The following RABGEF1 variants were observed in gnomAD, a reference collection of about 807,000 sequenced individuals.
RABGEF1 encodes the protein RAB guanine nucleotide exchange factor 1.
Under a neutral mutation model 57.3 loss-of-function variants are expected in RABGEF1, and 26 were observed. The ratio of observed to expected loss-of-function variants is 0.45; its 90% CI spans 0.33 to 0.63. The LOEUF is 0.63. RABGEF1 is among the 20% of genes least tolerant of loss of function. The pLI, the probability that RABGEF1 is intolerant of heterozygous loss-of-function variation, is 0.02. For synonymous variants in RABGEF1, 185 were observed against 210.7 expected (o/e 0.88, Z 1.06); for missense variants, 464 against 607.6 (o/e 0.76, Z 2.48).
At chr7:66,718,323 G>A (rs1339569996) in intron 2 of RABGEF1, among the ~76,000 whole-genome samples, 2 of 152,138 alleles carry the variant, frequency 1.3e-5, no homozygotes, top group Non-Finnish European at 2.9e-5. Flanking sequence ...CTCCAGCCTG[G>A]GTGACAGAGC....
rs142986910 is a variant in RABGEF1 at position 66,809,099 on chromosome 7, G to T, written c.1291G>T (p.Ala431Ser). The change falls in exon 9 of 9, where the codon GCC becomes TCC. Residue 431 changes from alanine to serine, a missense_variant. Ala to Ser is a moderately conservative substitution (Grantham distance 99). This residue lies in a region of RABGEF1 where 151 missense variants were observed against 152.2 expected (regional missense o/e 0.99). Transcript: ENST00000284957. ...ACGACAAGAAAGGATCATGAATGAAGCCAAGAAACTGGAAAAAGACCTCAT... is the reference window on the plus strand; with the variant it reads ...ACGACAAGAAAGGATCATGAATGAATCCAAGAAACTGGAAAAAGACCTCAT... ...NERQERIMNE[A>S]KKLEKDLIDW... The T allele has an allele frequency of 9.3e-6, 15 of 1,614,010 alleles. No individual in the cohort carries two copies. Among genetic ancestry groups the T allele is most frequent in the Non-Finnish European group, 1.3e-5 (15 of 1,180,028 alleles).
At chr7:66,777,606 A>G (rs4717319) in intron 3 of RABGEF1, among the ~76,000 whole-genome samples, 76,253 of 151,842 alleles carry the variant, frequency 0.5, 20,079 homozygotes, top group East Asian at 0.74. Flanking sequence ...TTACAATTCA[A>G]TGCAGAGTCT....
chr7:66,789,354 G>A (rs879686390), intron 4 of RABGEF1, among the ~76,000 whole-genome samples: 2 of 152,144 alleles, frequency 1.3e-5, no homozygotes, highest in Non-Finnish European at 2.9e-5. Context: ...TGAGCTCTCA[G>A]CATCTATAAG....
chr7:66,684,757 C>T (rs1423344317), intron 1 of RABGEF1, among the ~76,000 whole-genome samples: 1 of 152,156 alleles, frequency 6.6e-6, no homozygotes, highest in Non-Finnish European at 1.5e-5. Context: ...GCTTCAGTCT[C>T]CCGAGTAGCT....
Position 66,749,713 on chromosome 7 carries a change from T to C in RABGEF1, c.-18+8921T>C, listed in dbSNP as rs1042851643. On this transcript the variant is annotated intron_variant, in intron 1 of 8. Coordinates refer to ENST00000284957, the MANE Select transcript of RABGEF1 (RefSeq NM_014504.3). The stretch of plus-strand genomic sequence containing the variant: ...CAGGCCAGGCACGGTGGCTCACACC[T>C]GTAATCTCAGCACTTTGGGAGGCCA... Among the ~76,000 whole-genome samples, 7 of 152,268 alleles carry C rather than the reference T, an allele frequency of 4.6e-5. No individual in the cohort carries two copies. In the South Asian group the frequency reaches 1.4e-3, roughly 32 times the overall value.
At chr7:66,721,147 G>A (rs563085699) in intron 2 of RABGEF1, among the ~76,000 whole-genome samples, 4 of 152,194 alleles carry the variant, frequency 2.6e-5, no homozygotes, top group East Asian at 3.9e-4. Flanking sequence ...TCGAACTCCC[G>A]AGCTCAAGTG....
rs548914089 is a variant in RABGEF1 at position 66,748,391 on chromosome 7, A to T, written c.-18+7599A>T. Among the ~76,000 whole-genome samples, 8 of 152,284 alleles carry T rather than the reference A, an allele frequency of 5.3e-5. No individual in the cohort carries two copies. In the South Asian group the frequency reaches 1.2e-3, roughly 24 times the overall value. ...CTTTCTCAGTGGATCTTTTGTAATG[A>T]ATTTATCAGCAGTGGGGTTTGAGTT... On this transcript the variant is annotated intron_variant, in intron 1 of 8. Transcript: ENST00000284957.
upstream of RABGEF1, among the ~76,000 whole-genome samples, chr7:66,739,283 C>T (rs542339903): frequency 1.2e-3 from 184 of 151,944 alleles, 2 homozygotes; most frequent in Non-Finnish European, 4.0e-4. Flanking sequence ...GTACCCTCAG[C>T]GTAGCACACA....
At chr7:66,775,710 G>C (rs1808357149) in intron 3 of RABGEF1, among the ~76,000 whole-genome samples, 1 of 152,136 alleles carries the variant, frequency 6.6e-6, no homozygotes, top group South Asian at 2.1e-4. Flanking sequence ...TTTATTTGTG[G>C]ATCCTGGTTT....
At chr7:66,792,082 A>G (rs1812810243) in intron 4 of RABGEF1, among the ~76,000 whole-genome samples, 1 of 151,612 alleles carries the variant, frequency 6.6e-6, no homozygotes, top group South Asian at 2.1e-4. Context: ...ACTGCACTGC[A>G]GCCTGGCGAC....
chr7:66,715,488 G>A (rs777914147), intron 2 of RABGEF1, among the ~76,000 whole-genome samples: 2 of 152,032 alleles, frequency 1.3e-5, no homozygotes, highest in African/African-American at 2.4e-5. Context: ...TGGCGGCATC[G>A]TGTAAGTTTT....
the RABGEF1 span, among the ~76,000 whole-genome samples, chr7:66,674,258 C>T: frequency 6.7e-6 from 1 of 150,162 alleles, no homozygotes; most frequent in Non-Finnish European, 1.5e-5. Flanking sequence ...GGTATGATCT[C>T]AGCTCACTGC....
At chr7:66,725,579 C>T (rs1300074368) in intron 2 of RABGEF1, among the ~76,000 whole-genome samples, 3 of 152,016 alleles carry the variant, frequency 2.0e-5, no homozygotes, top group East Asian at 1.9e-4. Context: ...TTGATGAGTT[C>T]GTGAATATTG....
At chr7:66,724,150 T>C (rs1465708528) in intron 2 of RABGEF1, among the ~76,000 whole-genome samples, 11 of 152,036 alleles carry the variant, frequency 7.2e-5, no homozygotes, top group Admixed American at 5.9e-4. Flanking sequence ...AACAGCTTTT[T>C]CCCCCCAGCA....
At chr7:66,656,122 A>T in the RABGEF1 span, among the ~76,000 whole-genome samples, 52 of 152,180 alleles carry the variant, frequency 3.4e-4, no homozygotes, top group South Asian at 0.011. Flanking sequence ...GTGCTTATTT[A>T]TTTATTTATT....
rs1209360819 is a variant in RABGEF1 at position 66,805,303 on chromosome 7, C to A, written c.984C>A (p.Pro328=). 2 of 1,614,060 alleles carry A rather than the reference C, an allele frequency of 1.2e-6. No individual in the cohort carries two copies. Among genetic ancestry groups the A allele is most frequent in the Non-Finnish European group, 1.7e-6 (2 of 1,180,050 alleles). ...TLIYIVLKGN[P]PRLQSNIQYI... Reference sequence around the variant, plus strand: ...TCTACATTGTTTTGAAGGGCAACCCCCCACGCCTTCAGTCTAATATCCAGT... The same window carrying A: ...TCTACATTGTTTTGAAGGGCAACCCACCACGCCTTCAGTCTAATATCCAGT... The change falls in exon 8 of 9, where the codon CCC becomes CCA. Residue 328 remains proline (P), a synonymous_variant. Coordinates refer to ENST00000284957, the MANE Select transcript of RABGEF1 (RefSeq NM_014504.3).
chr7:66,655,512 C>G, the RABGEF1 span, among the ~76,000 whole-genome samples: 143 of 152,276 alleles, frequency 9.4e-4, no homozygotes, highest in Middle Eastern at 0.014. Context: ...ACTTTCCCCC[C>G]CTAAACCTAG....
At chr7:66,683,071 C>T (rs900293649) in intron 1 of RABGEF1, among the ~76,000 whole-genome samples, 3 of 152,136 alleles carry the variant, frequency 2.0e-5, no homozygotes, top group Non-Finnish European at 4.4e-5. Flanking sequence ...ACGAGTTTAC[C>T]GGAGCACCTT....
chr7:66,665,305 G>C, the RABGEF1 span: 1 of 150,646 alleles, frequency 6.6e-6, no homozygotes, highest in African/African-American at 2.4e-5. Context: ...CCACTATGCC[G>C]TGCTAATTTT....
Sources: allele counts gnomAD v4.1 joint callset (sites outside exome capture counted in the v4.1 genomes callset), GRCh38; gene constraint gnomAD v4.1.1; regional missense constraint gnomAD v4.1.1; transcripts MANE v1.5; gene names NCBI Gene and HGNC (gene_info 2026-07-23, HGNC 2026-07-21).